Variants in TIAM1 observed in about 807,000 individuals in gnomAD.
TIAM1 encodes the protein TIAM Rac1 associated GEF 1.
Under a neutral mutation model 163.5 loss-of-function variants are expected in TIAM1, and 65 were observed. The ratio of observed to expected loss-of-function variants is 0.40; its 90% CI spans 0.33 to 0.49. The LOEUF is 0.49. TIAM1 is among the 20% of genes least tolerant of loss of function. The pLI is 0.77. For missense variants in TIAM1, 1,789 were observed against 2,044.7 expected (o/e 0.87, Z 2.41); for synonymous variants, 833 against 810.1 (o/e 1.03, Z -0.48).
At chr21:31,527,760 C>T (rs1220153954) in intron 1 of TIAM1, among the ~76,000 whole-genome samples, 1 of 152,076 alleles carries the variant, frequency 6.6e-6, no homozygotes, top group African/African-American at 2.4e-5. Context: ...CAGTCCCAAC[C>T]CAATGCTTAG....
chr21:31,302,653 G>C (rs1476696824), intron 2 of TIAM1, among the ~76,000 whole-genome samples: 1 of 152,170 alleles, frequency 6.6e-6, no homozygotes, highest in African/African-American at 2.4e-5. Context: ...TAACGGCCAA[G>C]TCTGCCTTCC....
chr21:31,171,062 A>AAAAAAAAC (rs1555879081), intron 15 of TIAM1, among the ~76,000 whole-genome samples: 1 of 119,242 alleles, frequency 8.4e-6, no homozygotes, highest in Non-Finnish European at 1.8e-5. Flanking sequence ...AAAAAAAAAA[A>AAAAAAAAC]TTGGGGGCCA....
At chr21:31,179,535 G>C (rs1453975819) in intron 15 of TIAM1, among the ~76,000 whole-genome samples, 1 of 146,848 alleles carries the variant, frequency 6.8e-6, no homozygotes, top group Non-Finnish European at 1.5e-5. Flanking sequence ...CCGAGTTATG[G>C]CCGCTTAATT....
intron 15 of TIAM1, among the ~76,000 whole-genome samples, chr21:31,174,572 G>A (rs553884770): frequency 6.6e-6 from 1 of 152,336 alleles, no homozygotes; most frequent in Non-Finnish European, 1.5e-5. Context: ...ACCACAGCAG[G>A]AATAACCATT....
At chr21:31,453,257 G>C (rs189820746) in intron 2 of TIAM1, 9 of 237,262 alleles carry the variant, frequency 3.8e-5, no homozygotes, top group Middle Eastern at 4.8e-4. Flanking sequence ...CTGCTTTCTA[G>C]TGGTAGAGGA....
intron 1 of TIAM1, among the ~76,000 whole-genome samples, chr21:31,516,220 T>C (rs2047377393): frequency 6.6e-6 from 1 of 151,802 alleles, no homozygotes; most frequent in Admixed American, 6.6e-5. Flanking sequence ...AAGACCAGCC[T>C]GGCCAACATG....
In TIAM1 at chr21:31,256,735, C is replaced by T. The variant is rs917206821; in HGVS notation, c.964-4546G>A. On this transcript the variant is annotated intron_variant, in intron 4 of 27. Coordinates refer to ENST00000541036, the MANE Select transcript of TIAM1 (RefSeq NM_001353694.2). ...CAATTCTAGGTAAATGACTCTGAAC[C>T]AATCCATGCCTCAATTTCTTGATAT... Among the ~76,000 whole-genome samples, 74 of 152,136 alleles carry T rather than the reference C, an allele frequency of 4.9e-4. 1 individual carries two copies. The highest frequency in any genetic ancestry group is 1.6e-3 in the African/African-American group (65 of 41,492).
chr21:31,287,198 C>T (rs1456609797), intron 2 of TIAM1, among the ~76,000 whole-genome samples: 1 of 152,142 alleles, frequency 6.6e-6, no homozygotes, highest in Non-Finnish European at 1.5e-5. Flanking sequence ...TTACAAATGA[C>T]AGCATCTTAT....
At chr21:31,171,159 C>T (rs755778248) in intron 15 of TIAM1, among the ~76,000 whole-genome samples, 4 of 151,506 alleles carry the variant, frequency 2.6e-5, no homozygotes, top group African/African-American at 7.3e-5. Context: ...GATGCTAGGA[C>T]GGTAGATTAC....
chr21:31,367,287 C>G (rs1047184543), intron 2 of TIAM1, among the ~76,000 whole-genome samples: 2 of 152,148 alleles, frequency 1.3e-5, no homozygotes, highest in African/African-American at 4.8e-5. Flanking sequence ...GGACACAGAG[C>G]TGGAAGAACG....
chr21:31,150,132 G>A (rs2083310154), intron 19 of TIAM1, among the ~76,000 whole-genome samples: 1 of 152,148 alleles, frequency 6.6e-6, no homozygotes. Flanking sequence ...GGAATTCTCT[G>A]CACTATTCTT....
intron 2 of TIAM1, among the ~76,000 whole-genome samples, chr21:31,460,002 G>A (rs182629787): frequency 2.0e-4 from 30 of 152,250 alleles, no homozygotes; most frequent in Admixed American, 3.9e-4. Context: ...ATGGCAACAA[G>A]GTCCATGGGG....
chr21:31,412,018 G>A (rs2077367508), intron 2 of TIAM1, among the ~76,000 whole-genome samples: 1 of 152,142 alleles, frequency 6.6e-6, no homozygotes, highest in Admixed American at 6.6e-5. Context: ...CAGTAGCAAC[G>A]ATACAGAATC....
At chr21:31,442,088 G>T (rs1186507927) in intron 2 of TIAM1, among the ~76,000 whole-genome samples, 1,424 of 36,440 alleles carry the variant, frequency 0.039, 5 homozygotes, top group Non-Finnish European at 0.05. Flanking sequence ...TATATATATA[G>T]AACAATAAGG....
intron 2 of TIAM1, among the ~76,000 whole-genome samples, chr21:31,462,995 G>A (rs145887091): frequency 6.0e-4 from 92 of 152,126 alleles, no homozygotes; most frequent in African/African-American, 1.7e-3. Flanking sequence ...CACCCACCTC[G>A]GCCTCCCAAA....
At chr21:31,161,381 CAGTCACAGG>C (rs1216357885) in intron 16 of TIAM1, among the ~76,000 whole-genome samples, 1 of 152,138 alleles carries the variant, frequency 6.6e-6, no homozygotes, top group Non-Finnish European at 1.5e-5. Flanking sequence ...TTGTCACCCA[CAGTCACAGG>C]AGAGAGGAGG....
chr21:31,215,780 C>G (rs945783348), intron 9 of TIAM1, among the ~76,000 whole-genome samples: 2 of 152,080 alleles, frequency 1.3e-5, no homozygotes, highest in African/African-American at 4.8e-5. Context: ...AGACAAACTG[C>G]GAAACTGCTT....
chr21:31,473,198 A>C (rs2045809460), intron 1 of TIAM1, among the ~76,000 whole-genome samples: 1 of 152,174 alleles, frequency 6.6e-6, no homozygotes, highest in African/African-American at 2.4e-5. Context: ...TGGGAGGCCA[A>C]GCGGGCAGAT....
chr21:31,434,233 T>C (rs1169242166), intron 2 of TIAM1, among the ~76,000 whole-genome samples: 1 of 152,116 alleles, frequency 6.6e-6, no homozygotes, highest in Non-Finnish European at 1.5e-5. Context: ...CCTGAAACAA[T>C]TTAAAAATTG....
Sources: gnomAD v4.1 joint callset for allele counts (sites outside exome capture counted in the v4.1 genomes callset) on GRCh38, gnomAD v4.1.1 for gene constraint, MANE v1.5 for transcripts, NCBI Gene and HGNC (gene_info 2026-07-23, HGNC 2026-07-21) for gene names.